Variants in AKT3 observed in about 807,000 individuals in gnomAD.
The protein encoded by AKT3 is RAC-gamma serine/threonine-protein kinase.
A neutral mutation model predicts 65.3 loss-of-function variants in AKT3; 15 were observed. That is an observed-to-expected ratio of 0.23 (90% CI 0.15 to 0.35). The LOEUF is 0.35. AKT3 is among the 10% of genes least tolerant of loss of function. The probability of loss-of-function intolerance (pLI) is 1.00; values close to 1 mark genes in which losing one functional copy is unlikely to be tolerated. For missense variants in AKT3, 243 were observed against 576.5 expected (o/e 0.42, Z 5.92); for synonymous variants, 206 against 183.8 (o/e 1.12, Z -0.98).
chr1:243,613,841 T>G, intron 7 of AKT3, 102 bp from the exon 8 acceptor site: 1 of 649,164 alleles, frequency 1.5e-6, no homozygotes. Context: ...GCATGAAAGA[T>G]GAAAAGAATT....
chr1:243,529,681 T>G (rs1397282204), intron 12 of AKT3, among the ~76,000 whole-genome samples: 1 of 152,222 alleles, frequency 6.6e-6, no homozygotes, highest in African/African-American at 2.4e-5. Flanking sequence ...CCATGCTGTT[T>G]TGGTTACTAT....
intron 13 of AKT3, among the ~76,000 whole-genome samples, chr1:243,491,295 T>C (rs878937375): frequency 6.6e-6 from 1 of 152,106 alleles, no homozygotes; most frequent in Non-Finnish European, 1.5e-5. Context: ...CCTCAAAAAA[T>C]CCTCAGAAAA....
chr1:243,758,211 T>C (rs1027485831), intron 2 of AKT3, among the ~76,000 whole-genome samples: 1 of 152,130 alleles, frequency 6.6e-6, no homozygotes, highest in African/African-American at 2.4e-5. Context: ...AGTTTATATT[T>C]CCATGGGGGA....
At position 243,502,954 on chromosome 1, in the gene AKT3, G is replaced by A; in HGVS notation, c.*2295C>T. ...GGTGTCATGCTTTCCCTCTAGAGGA[G>A]TAAGTGCTCTGAACATCAGCCAGTC... On this transcript the variant is annotated 3_prime_UTR_variant, in exon 14 of 14. Coordinates refer to ENST00000673466, the MANE Select transcript of AKT3 (RefSeq NM_005465.7). The A allele has an allele frequency of 4.3e-6, 1 of 233,360 alleles. No individual in the cohort carries two copies. The highest frequency in any genetic ancestry group is 6.0e-5 in the East Asian group (1 of 16,598). The allele number at this position is 233,360 out of a possible 1,614,324, so 14.5% of individuals were successfully genotyped here. A position where few individuals can be genotyped will look rare whatever the true frequency, so the allele number is the denominator to read the frequency against.
chr1:243,801,608 G>C (rs1296795157), intron 2 of AKT3, among the ~76,000 whole-genome samples: 1 of 152,086 alleles, frequency 6.6e-6, no homozygotes, highest in Admixed American at 6.5e-5. Flanking sequence ...CTGAGGTTAG[G>C]GAAACTCTTT....
chr1:243,791,197 A>C (rs1166282834), intron 2 of AKT3, among the ~76,000 whole-genome samples: 1 of 152,230 alleles, frequency 6.6e-6, no homozygotes, highest in African/African-American at 2.4e-5. Flanking sequence ...ACCTAATACA[A>C]TGTAGATACT....
chr1:243,818,858 C>T (rs958272051), intron 2 of AKT3, among the ~76,000 whole-genome samples: 8 of 151,928 alleles, frequency 5.3e-5, no homozygotes, highest in African/African-American at 9.7e-5. Flanking sequence ...GCAGTTGGCG[C>T]GACCTATGGA....
At chr1:243,844,057 A>G (rs1021711104) in intron 1 of AKT3, among the ~76,000 whole-genome samples, 2 of 152,326 alleles carry the variant, frequency 1.3e-5, no homozygotes, top group African/African-American at 4.8e-5. Flanking sequence ...AAAATAATTG[A>G]TTTCATATTA....
rs1695710184 is a variant in AKT3 at position 243,850,181 on chromosome 1, C to T, written c.-254G>A. The T allele has an allele frequency of 6.3e-6, 1 of 159,432 alleles. No homozygotes were observed. Among genetic ancestry groups the T allele is most frequent in the Non-Finnish European group, 1.3e-5 (1 of 74,478 alleles). 9.9% of individuals were successfully genotyped at this position (159,432 alleles called of 1,614,324 possible). On this transcript the variant is annotated 5_prime_UTR_variant, in exon 1 of 14. Transcript: ENST00000673466. ...TCCTCCCCTCCTGTCCTCCCCCCACCCCACAGAGCCTCTGGCCTCCTGGAG... is the reference window on the plus strand; with the variant it reads ...TCCTCCCCTCCTGTCCTCCCCCCACTCCACAGAGCCTCTGGCCTCCTGGAG...
At chr1:243,621,929 C>G (rs184721929) in intron 6 of AKT3, among the ~76,000 whole-genome samples, 1 of 152,192 alleles carries the variant, frequency 6.6e-6, no homozygotes, top group African/African-American at 2.4e-5. Flanking sequence ...CTAGTACAAG[C>G]CACTATCATC....
rs926061836 is a variant in AKT3 at position 243,706,445 on chromosome 1, C to T, written c.47-10729G>A. The stretch of plus-strand genomic sequence containing the variant: ...CTGAAAAAACTCTCAGGTGGTTCAA[C>T]CCACCCATCCCACTCCTATACTAAC... On this transcript the variant is annotated intron_variant, in intron 2 of 13. Coordinates refer to ENST00000673466, the MANE Select transcript of AKT3 (RefSeq NM_005465.7). Among the ~76,000 whole-genome samples the T allele has an allele frequency of 2.0e-5, 3 of 152,148 alleles. 1 individual carries two copies. The highest frequency in any genetic ancestry group is 7.2e-5 in the African/African-American group (3 of 41,442).
At chr1:243,806,361 G>A (rs4658593) in intron 2 of AKT3, among the ~76,000 whole-genome samples, 117,346 of 151,572 alleles carry the variant, frequency 0.77, 46,534 homozygotes, top group Non-Finnish European at 0.86. Flanking sequence ...TTTATTAGGG[G>A]AAAAAAAACA....
intron 2 of AKT3, among the ~76,000 whole-genome samples, chr1:243,837,098 G>T (rs1694940607): frequency 6.6e-6 from 1 of 151,964 alleles, no homozygotes; most frequent in Admixed American, 6.5e-5. Context: ...AAGGTGGGAG[G>T]ATCACTTGTG....
intron 3 of AKT3, among the ~76,000 whole-genome samples, chr1:243,691,791 T>C (rs531619426): frequency 6.6e-6 from 1 of 152,232 alleles, no homozygotes; most frequent in East Asian, 1.9e-4. Context: ...AACCTAATGC[T>C]CAGGAGAGAG....
chr1:243,791,534 T>A (rs772353923), intron 2 of AKT3, among the ~76,000 whole-genome samples: 2 of 152,222 alleles, frequency 1.3e-5, no homozygotes, highest in Non-Finnish European at 2.9e-5. Flanking sequence ...AAAATGGTTT[T>A]GTAAAAACTG....
chr1:243,702,065 G>A (rs1334209789), intron 2 of AKT3, among the ~76,000 whole-genome samples: 8 of 140,962 alleles, frequency 5.7e-5, no homozygotes, highest in Non-Finnish European at 1.2e-4. Flanking sequence ...AACCTCTTTC[G>A]CAATCTTTAT....
At chr1:243,642,476 A>AT (rs763124380) in intron 5 of AKT3, among the ~76,000 whole-genome samples, 28 of 151,818 alleles carry the variant, frequency 1.8e-4, no homozygotes, top group Non-Finnish European at 3.5e-4. Context: ...CGCCTGGTTA[A>AT]TTTTTTGTAT....
intron 6 of AKT3, among the ~76,000 whole-genome samples, chr1:243,621,746 G>A (rs1678767229): frequency 6.6e-6 from 1 of 152,110 alleles, no homozygotes; most frequent in African/African-American, 2.4e-5. Context: ...CTTCAATGTA[G>A]TGAATGGCAA....
At chr1:243,563,672 A>C in intron 10 of AKT3, 48 bp downstream of exon 10, 1 of 1,549,356 alleles carries the variant, frequency 6.5e-7, no homozygotes. Context: ...TTTACTTTGC[A>C]AATCATTATG....
Sources: gnomAD v4.1 joint callset for allele counts (sites outside exome capture counted in the v4.1 genomes callset) on GRCh38, gnomAD v4.1.1 for gene constraint, MANE v1.5 for transcripts, NCBI Gene and HGNC (gene_info 2026-07-23, HGNC 2026-07-21) for gene names.